Variants in COLEC10 observed in about 807,000 individuals in gnomAD.
COLEC10 encodes collectin subfamily member 10.
COLEC10 carries 22 observed loss-of-function variants against 28.4 expected under a neutral mutation model. The observed-to-expected ratio is 0.78, with a 90% CI of 0.55 to 1.11. The LOEUF is 1.11. Among genes scored for constraint, COLEC10 ranks in the 50% least tolerant of loss-of-function variants. The probability of loss-of-function intolerance (pLI) is 0.00; values close to 1 mark genes in which losing one functional copy is unlikely to be tolerated. For synonymous variants in COLEC10, 125 were observed against 116.1 expected (o/e 1.08, Z -0.49); for missense variants, 361 against 344.1 (o/e 1.05, Z -0.39).
chr8:118,977,789 T>C, the COLEC10 span, among the ~76,000 whole-genome samples: 1 of 150,792 alleles, frequency 6.6e-6, no homozygotes, highest in East Asian at 1.9e-4. Context: ...CTAAAAAAAA[T>C]ATATATATAT....
intron 1 of COLEC10, among the ~76,000 whole-genome samples, chr8:119,072,081 T>C (rs1815135603): frequency 6.6e-6 from 1 of 152,210 alleles, no homozygotes; most frequent in African/African-American, 2.4e-5. Context: ...AACACACTGC[T>C]GCCTCCTTCA....
At chr8:118,978,627 A>G in the COLEC10 span, among the ~76,000 whole-genome samples, 3 of 152,114 alleles carry the variant, frequency 2.0e-5, no homozygotes. Context: ...TTTATTGAAC[A>G]TAAATCACCT....
At chr8:119,029,685 T>C (rs949589958) in intron 2 of COLEC10, among the ~76,000 whole-genome samples, 8 of 150,878 alleles carry the variant, frequency 5.3e-5, no homozygotes, top group Middle Eastern at 3.4e-3. Flanking sequence ...GGAAAAGAAA[T>C]AGGGACCTGT....
At chr8:118,979,620 A>G in the COLEC10 span, among the ~76,000 whole-genome samples, 1 of 152,152 alleles carries the variant, frequency 6.6e-6, no homozygotes, top group Non-Finnish European at 1.5e-5. Context: ...TCCACAAATT[A>G]CAAATAGGCA....
chr8:119,026,703 G>A lies in COLEC10; in HGVS notation n.235+17150G>A, dbSNP rs553409618. On this transcript the variant is annotated intron_variant and non_coding_transcript_variant, in intron 2 of 6. Coordinates refer to the COLEC10 transcript ENST00000521788. ...TAGTGCTGTTGAGATCAACACCTGT[G>A]GGGGTTAGGGAAGAAATCAGGTTTG... 8.5e-5 allele frequency among the ~76,000 whole-genome samples: 13 copies of A among 152,298 alleles called. No individual in the cohort carries two copies. The South Asian group carries it at 2.3e-3, about 27-fold the overall frequency.
chr8:118,998,846 C>CAAAA (rs567463648), intron 1 of COLEC10, among the ~76,000 whole-genome samples: 4,072 of 76,110 alleles, frequency 0.054, 316 homozygotes, highest in African/African-American at 0.1. Context: ...GACTCCGTCT[C>CAAAA]AAAAAAAAAA....
intron 5 of COLEC10, among the ~76,000 whole-genome samples, chr8:119,104,543 G>A (rs550424656): frequency 6.6e-6 from 1 of 152,162 alleles, no homozygotes; most frequent in East Asian, 1.9e-4. Flanking sequence ...CCCTTGAAGT[G>A]GAAAGGGCTT....
intron 2 of COLEC10, among the ~76,000 whole-genome samples, chr8:119,031,753 G>A (rs988388462): frequency 2.6e-5 from 4 of 152,124 alleles, no homozygotes; most frequent in African/African-American, 9.7e-5. Flanking sequence ...TTAGTTCAAA[G>A]GAGGATAAAT....
intron 2 of COLEC10, among the ~76,000 whole-genome samples, chr8:119,034,385 C>A (rs957531574): frequency 1.1e-4 from 17 of 150,900 alleles, no homozygotes; most frequent in African/African-American, 3.7e-4. Flanking sequence ...CCTGCACATT[C>A]TGCGCATGTA....
intron 2 of COLEC10, among the ~76,000 whole-genome samples, chr8:119,026,318 C>A (rs777305784): frequency 1.3e-5 from 2 of 152,074 alleles, no homozygotes; most frequent in Non-Finnish European, 2.9e-5. Context: ...CTTTGGGAGA[C>A]CAAGACCAGA....
At chr8:118,988,261 G>A in the COLEC10 span, among the ~76,000 whole-genome samples, 1 of 152,058 alleles carries the variant, frequency 6.6e-6, no homozygotes, top group Non-Finnish European at 1.5e-5. Context: ...TGAGGATCTG[G>A]GAAAGATCCC....
intron 2 of COLEC10, among the ~76,000 whole-genome samples, chr8:119,058,838 C>T (rs762136623): frequency 2.0e-5 from 3 of 152,016 alleles, no homozygotes; most frequent in Admixed American, 2.0e-4. Flanking sequence ...AAGAAGCTGA[C>T]CAACTGTTTT....
intron 2 of COLEC10, among the ~76,000 whole-genome samples, chr8:119,047,462 C>T (rs1736901374): frequency 6.6e-6 from 1 of 152,124 alleles, no homozygotes; most frequent in Admixed American, 6.5e-5. Flanking sequence ...GCCTTCCAGA[C>T]CAAGTTAGGA....
chr8:119,007,704 A>T (rs1813828998), intron 1 of COLEC10, among the ~76,000 whole-genome samples: 2 of 151,140 alleles, frequency 1.3e-5, no homozygotes, highest in South Asian at 4.1e-4. Flanking sequence ...AGTGAAATTG[A>T]ATCTCCTGTT....
At chr8:118,971,482 T>G in the COLEC10 span, among the ~76,000 whole-genome samples, 394 of 152,108 alleles carry the variant, frequency 2.6e-3, 2 homozygotes, top group African/African-American at 9.1e-3. Flanking sequence ...CAATATAGCC[T>G]AATTTTTTAA....
At chr8:118,973,930 T>G in the COLEC10 span, among the ~76,000 whole-genome samples, 1 of 151,948 alleles carries the variant, frequency 6.6e-6, no homozygotes, top group Non-Finnish European at 1.5e-5. Flanking sequence ...AATACTCACT[T>G]TGGTCTGGAA....
intron 1 of COLEC10, among the ~76,000 whole-genome samples, chr8:119,081,212 T>C (rs1356895896): frequency 6.6e-6 from 1 of 152,216 alleles, no homozygotes; most frequent in East Asian, 1.9e-4. Flanking sequence ...GAACAATGAA[T>C]GATAACATTC....
chr8:118,982,559 A>T, the COLEC10 span: 1 of 186,246 alleles, frequency 5.4e-6, no homozygotes, highest in Non-Finnish European at 1.2e-5. Context: ...AGGCCAGAAC[A>T]TACAAGAATC....
Position 119,106,004 on chromosome 8 carries a change from G to T in COLEC10, c.647G>T (p.Arg216Met). 6.2e-7 allele frequency: 1 copy of T among 1,613,834 alleles called. No individual in the cohort carries two copies. Among genetic ancestry groups the T allele is most frequent in the Non-Finnish European group, 8.5e-7 (1 of 1,179,878 alleles). The change falls in exon 6 of 6, where the codon AGG becomes ATG. Residue 216 changes from arginine (R) to methionine (M), a missense_variant. By Grantham distance (91) the Arg-to-Met change is moderately conservative. Transcript: ENST00000332843. ...TTCATTGGCGTGAATGACCTTGAAA[G>T]GGAGGGACAGTACATGTTCACAGAC... ...RVFIGVNDLEREGQYMFTDNT... is the reference protein window; with the variant it reads ...RVFIGVNDLEMEGQYMFTDNT...
Sources: gnomAD v4.1 joint callset for allele counts (sites outside exome capture counted in the v4.1 genomes callset) on GRCh38, gnomAD v4.1.1 for gene constraint, MANE v1.5 for transcripts, NCBI Gene and HGNC (gene_info 2026-07-23, HGNC 2026-07-21) for gene names.